TSPAN12: variants seen among roughly 807,000 people sequenced by gnomAD.
The protein encoded by TSPAN12 is tetraspanin 12.
TSPAN12 carries 19 observed loss-of-function variants against 39.2 expected under a neutral mutation model. That is an observed-to-expected ratio of 0.49 (90% confidence interval 0.34 to 0.71). The LOEUF (loss-of-function observed/expected upper bound fraction) is 0.71, where lower values mean the gene tolerates loss of function less well. Among genes scored for constraint, TSPAN12 ranks in the 30% least tolerant of loss-of-function variants. The probability of loss-of-function intolerance (pLI) is 0.01; values close to 1 mark genes in which losing one functional copy is unlikely to be tolerated. For synonymous variants in TSPAN12, 119 were observed against 124.8 expected (o/e 0.95, Z 0.31); for missense variants, 314 against 359.9 (o/e 0.87, Z 1.03).
chr7:120,812,664 TAA>T (rs1406216869), intron 5 of TSPAN12, among the ~76,000 whole-genome samples: 2 of 152,136 alleles, frequency 1.3e-5, no homozygotes, highest in African/African-American at 2.4e-5. Context: ...TTCCCCCAAA[TAA>T]TGGGCTAAAC....
chr7:120,806,746 T>G (rs2116349001), intron 6 of TSPAN12, 54 bp from the exon 7 acceptor site: 1 of 1,607,932 alleles, frequency 6.2e-7, no homozygotes, highest in South Asian at 1.1e-5. Context: ...TTTTCTTAAC[T>G]TATAGGAGAT....
chr7:120,848,224 T>A (rs1473203601), intron 2 of TSPAN12, among the ~76,000 whole-genome samples: 1 of 152,176 alleles, frequency 6.6e-6, no homozygotes, highest in African/African-American at 2.4e-5. Context: ...TACCTACAGA[T>A]CTTTTCCCTC....
intron 2 of TSPAN12, 133 bp from the exon 3 acceptor site, chr7:120,840,242 C>A (rs1290084267): frequency 1.3e-6 from 1 of 767,874 alleles, no homozygotes; most frequent in Non-Finnish European, 2.3e-6. Context: ...TTGAAATTTA[C>A]TATTACTATA....
intron 2 of TSPAN12, among the ~76,000 whole-genome samples, chr7:120,855,293 TA>T (rs995487027): frequency 3.3e-5 from 5 of 152,230 alleles, no homozygotes; most frequent in African/African-American, 1.2e-4. Context: ...GCAAGTCACT[TA>T]ATCTGCACTT....
chr7:120,846,964 C>A (rs776632801), intron 2 of TSPAN12, among the ~76,000 whole-genome samples: 2 of 152,008 alleles, frequency 1.3e-5, no homozygotes, highest in Admixed American at 1.3e-4. Flanking sequence ...CGAGGGAAGG[C>A]AACATGACAT....
chr7:120,808,226 T>C (rs1181249002), intron 6 of TSPAN12, among the ~76,000 whole-genome samples: 2 of 152,310 alleles, frequency 1.3e-5, no homozygotes, highest in East Asian at 1.9e-4. Context: ...TCTACATAAA[T>C]GACTTTCTCA....
chr7:120,850,562 G>A (rs1337540200), intron 2 of TSPAN12, among the ~76,000 whole-genome samples: 1 of 152,188 alleles, frequency 6.6e-6, no homozygotes, highest in Non-Finnish European at 1.5e-5. Context: ...AGCAGAATGT[G>A]CTATGAAGAA....
intron 4 of TSPAN12, among the ~76,000 whole-genome samples, chr7:120,832,633 T>C (rs1463406555): frequency 6.6e-6 from 1 of 152,158 alleles, no homozygotes; most frequent in Non-Finnish European, 1.5e-5. Flanking sequence ...ATAAATTTAA[T>C]GTTATATTTT....
At chr7:120,849,496 T>C (rs770844733) in intron 2 of TSPAN12, among the ~76,000 whole-genome samples, 40 of 152,224 alleles carry the variant, frequency 2.6e-4, no homozygotes, top group East Asian at 5.8e-4. Context: ...CTGTAACATA[T>C]AGTCCCACAT....
At position 120,825,648 on chromosome 7, in the gene TSPAN12, T is replaced by C. The variant is rs181085346; in HGVS notation, c.286-9845A>G. Among the ~76,000 whole-genome samples the C allele has an allele frequency of 6.8e-3, 1,043 of 152,298 alleles. 8 individuals carry two copies. Among genetic ancestry groups the C allele is most frequent in the Non-Finnish European group, 0.01 (687 of 68,016 alleles). The stretch of plus-strand genomic sequence containing the variant: ...TTATGGCAGTTGTTTATTTTTCCTT[T>C]CCCGGTGATTGGAGGTTTAAAAATA... On this transcript the variant is annotated intron_variant, in intron 4 of 7. Transcript: ENST00000222747.
At chr7:120,844,483 T>C (rs1794635977) in intron 2 of TSPAN12, among the ~76,000 whole-genome samples, 1 of 152,094 alleles carries the variant, frequency 6.6e-6, no homozygotes, top group Non-Finnish European at 1.5e-5. Context: ...ACTTCCAATA[T>C]ACAATGGAGG....
At chr7:120,831,023 A>C (rs1794380971) in intron 4 of TSPAN12, among the ~76,000 whole-genome samples, 1 of 152,070 alleles carries the variant, frequency 6.6e-6, no homozygotes, top group Non-Finnish European at 1.5e-5. Context: ...GCAAATACCC[A>C]ACAGAAGACA....
At chr7:120,840,408 C>T (rs1039749025) in intron 2 of TSPAN12, among the ~76,000 whole-genome samples, 4 of 152,120 alleles carry the variant, frequency 2.6e-5, no homozygotes, top group Non-Finnish European at 5.9e-5. Context: ...AATTATCAAA[C>T]ATATAAGATG....
intron 7 of TSPAN12, among the ~76,000 whole-genome samples, chr7:120,800,403 T>C (rs1175785316): frequency 6.6e-6 from 1 of 152,172 alleles, no homozygotes; most frequent in Non-Finnish European, 1.5e-5. Context: ...GGTAAGCTGG[T>C]AAGAATGGTG....
chr7:120,830,264 C>T (rs545084126), intron 4 of TSPAN12, among the ~76,000 whole-genome samples: 2 of 152,096 alleles, frequency 1.3e-5, no homozygotes, highest in East Asian at 3.9e-4. Flanking sequence ...AATCAAAACT[C>T]CAATGTCATT....
intron 4 of TSPAN12, among the ~76,000 whole-genome samples, chr7:120,817,560 C>T (rs573324361): frequency 5.0e-4 from 76 of 152,252 alleles, no homozygotes; most frequent in Non-Finnish European, 9.3e-4. Flanking sequence ...ATTTTACAAA[C>T]AAGAAAATTA....
intron 2 of TSPAN12, among the ~76,000 whole-genome samples, chr7:120,850,776 C>T (rs1355861921): frequency 1.3e-5 from 2 of 151,718 alleles, no homozygotes; most frequent in Non-Finnish European, 2.9e-5. Context: ...TGCAATCTCC[C>T]CCTCCCAGGT....
chr7:120,788,842 A>G lies in TSPAN12; in HGVS notation c.668T>C (p.Leu223Pro). 1 of 1,614,178 alleles carries G rather than the reference A, an allele frequency of 6.2e-7. No homozygotes were observed. Among genetic ancestry groups the G allele is most frequent in the South Asian group, 1.1e-5 (1 of 91,078 alleles). ...CCCAATGGAGATTCCCAGAAACCTC[A>G]GCACCTGCAGTTGTTTGGTTCCTCT... ...FLRGTKQLQV[L>P]RFLGISIGVT... Residue 223 changes from leucine (L) to proline (P), a missense_variant, in exon 8 of 8, where the codon CTG becomes CCG. Leu to Pro is a moderately conservative substitution (Grantham distance 98). Transcript: ENST00000222747.
chr7:120,818,148 G>C (rs1794120268), intron 4 of TSPAN12, among the ~76,000 whole-genome samples: 1 of 152,030 alleles, frequency 6.6e-6, no homozygotes, highest in African/African-American at 2.4e-5. Context: ...TGGTGAGCTA[G>C]CTAGTTAAAA....
Sources: gnomAD v4.1 joint callset for allele counts (sites outside exome capture counted in the v4.1 genomes callset) on GRCh38, gnomAD v4.1.1 for gene constraint, MANE v1.5 for transcripts, NCBI Gene and HGNC (gene_info 2026-07-23, HGNC 2026-07-21) for gene names.